The following UBE2U variants were observed in gnomAD, a reference collection of about 807,000 sequenced individuals.
UBE2U encodes ubiquitin conjugating enzyme E2 U, also known as ubiquitin-conjugating enzyme E2 U.
A neutral mutation model predicts 41.2 loss-of-function variants in UBE2U; 39 were observed. The observed-to-expected ratio is 0.95, with a 90% confidence interval of 0.73 to 1.24. The LOEUF is 1.24. Among genes scored for constraint, UBE2U ranks in the 50% most tolerant of loss-of-function variants. The probability of loss-of-function intolerance (pLI) is 0.00; values close to 1 mark genes in which losing one functional copy is unlikely to be tolerated. For synonymous variants in UBE2U, 107 were observed against 117.8 expected (o/e 0.91, Z 0.60); for missense variants, 336 against 363.1 (o/e 0.93, Z 0.61).
chr1:64,239,459 G>A (rs1644795932), intron 7 of UBE2U, among the ~76,000 whole-genome samples: 1 of 151,822 alleles, frequency 6.6e-6, no homozygotes, highest in East Asian at 1.9e-4. Flanking sequence ...CTGTTGGTGT[G>A]CTGCACCCAT....
chr1:64,232,581 T>A lies in UBE2U; in HGVS notation c.527T>A (p.Phe176Tyr). The A allele has an allele frequency of 6.2e-7, 1 of 1,613,064 alleles. No individual in the cohort carries two copies. Among genetic ancestry groups the A allele is most frequent in the Non-Finnish European group, 8.5e-7 (1 of 1,179,512 alleles). Reference protein sequence around the residue: ...KCIRPIKTTSFSDYYQTWSRI... With the variant: ...KCIRPIKTTSYSDYYQTWSRI... ...TTCAGACCAATTAAAACAACCTCAT[T>A]TAGTGATTACTACCAGACATGGTCC... is the stretch of plus-strand genomic sequence containing the variant. The change falls in exon 7 of 10, where the codon TTT becomes TAT. Residue 176 changes from phenylalanine (F) to tyrosine (Y), a missense_variant. Transcript: ENST00000371077.
chr1:64,214,622 G>A (rs1380291043), intron 4 of UBE2U, among the ~76,000 whole-genome samples, 193 bp from the exon 5 acceptor site: 4 of 152,128 alleles, frequency 2.6e-5, no homozygotes, highest in Admixed American at 1.3e-4. Context: ...GTTTTATACC[G>A]TACATTCATG....
chr1:64,235,743 G>A (rs1031075472), intron 7 of UBE2U, among the ~76,000 whole-genome samples: 3 of 152,028 alleles, frequency 2.0e-5, no homozygotes, highest in Admixed American at 6.6e-5. Flanking sequence ...ATACATAGTC[G>A]TTGGCATCAT....
chr1:64,254,638 T>C (rs750942696), intron 8 of UBE2U, among the ~76,000 whole-genome samples: 6 of 152,180 alleles, frequency 3.9e-5, no homozygotes, highest in Non-Finnish European at 8.8e-5. Flanking sequence ...TTGAGCAACC[T>C]GCTCCTGAAA....
intron 7 of UBE2U, among the ~76,000 whole-genome samples, chr1:64,239,190 GAAA>G (rs1644786799): frequency 2.1e-5 from 3 of 146,276 alleles, no homozygotes; most frequent in South Asian, 4.6e-4. Flanking sequence ...AGAAGAAGAA[GAAA>G]GCCCCAGACA....
intron 9 of UBE2U, 68 bp from the exon 10 acceptor site, chr1:64,266,956 C>T (rs1645263568): frequency 7.1e-7 from 1 of 1,402,670 alleles, no homozygotes; most frequent in Non-Finnish European, 9.7e-7. Flanking sequence ...AATGCAGGAA[C>T]ACTTCTCTTT....
intron 7 of UBE2U, among the ~76,000 whole-genome samples, chr1:64,240,498 T>A (rs995184099): frequency 3.3e-5 from 5 of 152,162 alleles, no homozygotes; most frequent in Admixed American, 6.5e-5. Flanking sequence ...GCCAATGGAA[T>A]GGGCAGTCTC....
In UBE2U at chr1:64,214,922, G is replaced by A. The variant is rs1287864853; in HGVS notation, c.447G>A (p.Arg149=). 1.2e-6 allele frequency: 2 copies of A among 1,613,480 alleles called. No individual in the cohort carries two copies. The highest frequency in any genetic ancestry group is 1.1e-5 in the South Asian group (1 of 91,054). Residue 149 remains arginine (R), a synonymous_variant, in exon 5 of 10, where the codon AGG becomes AGA. Transcript: ENST00000371077. ...LYRTILRLFN[R]PLQMKDDSQE... is the part of the protein sequence containing the mutation. ...GAACAATTCTAAGACTTTTCAACAG[G>A]CCATTACAAAGTAAGAAGTATCTAC...
At chr1:64,209,126 T>C (rs1487976917) in intron 3 of UBE2U, among the ~76,000 whole-genome samples, 2 of 152,232 alleles carry the variant, frequency 1.3e-5, no homozygotes, top group African/African-American at 4.8e-5. Flanking sequence ...AATTAAAACC[T>C]ATTTTTGGTA....
intron 7 of UBE2U, among the ~76,000 whole-genome samples, chr1:64,236,069 G>T (rs1644662082): frequency 6.6e-6 from 1 of 152,088 alleles, no homozygotes; most frequent in South Asian, 2.1e-4. Context: ...TCCTGGGTCT[G>T]CCATTTACTG....
chr1:64,248,570 T>G (rs971310309), intron 8 of UBE2U, among the ~76,000 whole-genome samples: 2 of 51,912 alleles, frequency 3.9e-5, no homozygotes, highest in East Asian at 8.2e-4. Flanking sequence ...ATTTTACTTG[T>G]TTTTTTTTTT....
intron 8 of UBE2U, among the ~76,000 whole-genome samples, chr1:64,246,485 A>C (rs1267946666): frequency 6.6e-6 from 1 of 152,158 alleles, no homozygotes; most frequent in Non-Finnish European, 1.5e-5. Context: ...TTTTTTAAGG[A>C]GTGCTAGCTT....
At chr1:64,239,080 GGAAGAGGAAGAGGAAGAA>G (rs1287077082) in intron 7 of UBE2U, among the ~76,000 whole-genome samples, 22 of 54,770 alleles carry the variant, frequency 4.0e-4, no homozygotes, top group Admixed American at 1.1e-3. Context: ...AAGAGGAAGA[GGAAGAGGAAGAGGAAGAA>G]GAAGAAGAAG....
At position 64,214,822 on chromosome 1, in the gene UBE2U, T is replaced by C. The variant is rs766826053; in HGVS notation, c.347T>C (p.Leu116Pro). The C allele has an allele frequency of 7.1e-5, 114 of 1,613,786 alleles. No homozygotes were observed. In the Admixed American group the frequency reaches 1.9e-3, roughly 27 times the overall value. ...SSILLALQVM[L>P]SNPVLENPVN... ...GTCTGTGTTTTCCTATAGGTTATGCTTTCTAATCCAGTGCTAGAGAATCCA... is the reference window on the plus strand; with the variant it reads ...GTCTGTGTTTTCCTATAGGTTATGCCTTCTAATCCAGTGCTAGAGAATCCA... Residue 116 changes from leucine (L) to proline (P), a missense_variant, in exon 5 of 10, where the codon CTT becomes CCT. Transcript: ENST00000371077.
intron 8 of UBE2U, among the ~76,000 whole-genome samples, chr1:64,243,231 C>G (rs1644865378): frequency 6.6e-6 from 1 of 152,078 alleles, no homozygotes; most frequent in East Asian, 1.9e-4. Context: ...CTTCAAAACG[C>G]TGGTGTTGAT....
chr1:64,258,783 T>G (rs1159775363), intron 8 of UBE2U, among the ~76,000 whole-genome samples: 4 of 152,158 alleles, frequency 2.6e-5, no homozygotes, highest in Non-Finnish European at 5.9e-5. Context: ...AATAAACATA[T>G]GTGTGCCTGT....
chr1:64,263,897 C>A (rs373425111), intron 9 of UBE2U, among the ~76,000 whole-genome samples: 1 of 152,162 alleles, frequency 6.6e-6, no homozygotes, highest in Non-Finnish European at 1.5e-5. Context: ...TGTTTTTGTC[C>A]CACTTTGGGT....
At chr1:64,241,622 T>C in intron 7 of UBE2U, 30 bp from the exon 8 acceptor site, 4 of 1,498,178 alleles carry the variant, frequency 2.7e-6, no homozygotes, top group Non-Finnish European at 3.7e-6. Context: ...AATGTATGTA[T>C]AGCTTCTTTT....
intron 6 of UBE2U, among the ~76,000 whole-genome samples, chr1:64,221,402 T>C (rs932140669): frequency 3.3e-5 from 5 of 152,178 alleles, no homozygotes; most frequent in Non-Finnish European, 7.3e-5. Flanking sequence ...CGTGAGCCAC[T>C]GTGCCCGGCC....
Sources: allele counts gnomAD v4.1 joint callset (sites outside exome capture counted in the v4.1 genomes callset), GRCh38; gene constraint gnomAD v4.1.1; transcripts MANE v1.5; gene names NCBI Gene and HGNC (gene_info 2026-07-23, HGNC 2026-07-21).